Variants in SLIT2 observed in about 807,000 individuals in gnomAD.
The protein encoded by SLIT2 is slit homolog 2 protein.
Under a neutral mutation model 185.7 loss-of-function variants are expected in SLIT2, and 41 were observed. The ratio of observed to expected loss-of-function variants is 0.22; its 90% CI spans 0.17 to 0.29. The LOEUF (loss-of-function observed/expected upper bound fraction) is 0.29, where lower values mean the gene tolerates loss of function less well. Among genes scored for constraint, SLIT2 ranks in the 10% least tolerant of loss-of-function variants. SLIT2 has a pLI of 1.00. For missense variants in SLIT2, 1,571 were observed against 1,909.0 expected, an observed-to-expected ratio of 0.82 and a Z score of 3.30; for synonymous variants, 693 against 680.2, an observed-to-expected ratio of 1.02 and a Z score of -0.29.
At chr4:20,533,462 C>A in intron 17 of SLIT2, 110 bp from the exon 18 acceptor site, 2 of 729,450 alleles carry the variant, frequency 2.7e-6, no homozygotes, top group Admixed American at 2.5e-5. Context: ...CAGTGCTGGG[C>A]AGTGAAAAGT....
intron 4 of SLIT2, among the ~76,000 whole-genome samples, chr4:20,328,323 G>A (rs1719764951): frequency 6.6e-6 from 1 of 152,034 alleles, no homozygotes; most frequent in African/African-American, 2.4e-5. Flanking sequence ...TAAATTCTTA[G>A]AGGATTTATC....
chr4:20,273,931 T>C (rs954676527), intron 4 of SLIT2, among the ~76,000 whole-genome samples: 3 of 152,204 alleles, frequency 2.0e-5, no homozygotes, highest in African/African-American at 4.8e-5. Context: ...CGACTGTGAT[T>C]GTGCAGGAAT....
chr4:20,607,204 C>G (rs1171491047), intron 33 of SLIT2, among the ~76,000 whole-genome samples: 1 of 152,150 alleles, frequency 6.6e-6, no homozygotes, highest in Non-Finnish European at 1.5e-5. Context: ...TCACACTAAC[C>G]AAAGATGACA....
intron 30 of SLIT2, among the ~76,000 whole-genome samples, chr4:20,590,587 C>T (rs1321967796): frequency 6.6e-6 from 1 of 152,122 alleles, no homozygotes; most frequent in Non-Finnish European, 1.5e-5. Flanking sequence ...CATGGGGTGA[C>T]AAAGCATTAT....
intron 4 of SLIT2, among the ~76,000 whole-genome samples, chr4:20,354,947 A>G (rs898766246): frequency 1.4e-5 from 2 of 144,386 alleles, no homozygotes; most frequent in Non-Finnish European, 3.0e-5. Context: ...GAGAGAGAGA[A>G]GCAAGGGCAA....
chr4:20,425,782 G>A (rs1004424427), intron 4 of SLIT2, among the ~76,000 whole-genome samples: 2 of 152,162 alleles, frequency 1.3e-5, no homozygotes, highest in African/African-American at 4.8e-5. Context: ...ACATGAGAAA[G>A]TGGTACTTTT....
rs759335205 is a variant in SLIT2, at chr4:20,569,015, T to C, written c.3088+11T>C. ...CACCTGAGTATACAGGTACAAATAA[T>C]AGGAAATATTTTGCCTTCCATCAGT... On this transcript the variant is annotated intron_variant, in intron 29 of 36. Transcript: ENST00000504154. The C allele has an allele frequency of 3.0e-5, 49 of 1,610,148 alleles. No individual in the cohort carries two copies. Among genetic ancestry groups the C allele is most frequent in the Non-Finnish European group, 3.7e-5 (44 of 1,177,362 alleles).
intron 11 of SLIT2, among the ~76,000 whole-genome samples, chr4:20,517,743 C>T (rs1227174204): frequency 6.6e-6 from 1 of 151,954 alleles, no homozygotes. Context: ...TATAATATAC[C>T]TTACCTCTCT....
rs114929356 is a variant in SLIT2 at position 20,347,184 on chromosome 4, A to G, written c.395+78303A>G. Among the ~76,000 whole-genome samples, 262 of 152,292 alleles carry G rather than the reference A, an allele frequency of 1.7e-3. 1 individual carries two copies. Among genetic ancestry groups the G allele is most frequent in the Non-Finnish European group, 3.3e-3 (226 of 68,020 alleles). On this transcript the variant is annotated intron_variant, in intron 4 of 36. Transcript: ENST00000504154. ...GGATTGGCACTTATGTGTCAGCAAG[A>G]TGTTATTGCCATTTTATAGAGCACT...
intron 4 of SLIT2, among the ~76,000 whole-genome samples, chr4:20,434,797 A>G (rs1210267105): frequency 6.6e-6 from 1 of 152,186 alleles, no homozygotes; most frequent in Admixed American, 6.5e-5. Flanking sequence ...GCCCAGGGGA[A>G]ATGTGATAAG....
intron 33 of SLIT2, among the ~76,000 whole-genome samples, chr4:20,606,975 T>A (rs1453953960): frequency 6.6e-6 from 1 of 152,200 alleles, no homozygotes. Flanking sequence ...GCATAATAAT[T>A]AAGAGCACAT....
At position 20,252,868 on chromosome 4, in the gene SLIT2, CGCCCCCAGTCA is replaced by C. The variant is rs1445350441; in HGVS notation, c.-946_-936del. Reference sequence around the variant, plus strand: ...TTCCGGTCTGCCTGGTTTTTAAGTCCGCCCCCAGTCAGTCCCCACTCAGTCTTCGCAGCAGC... The same window carrying C: ...TTCCGGTCTGCCTGGTTTTTAAGTCCGTCCCCACTCAGTCTTCGCAGCAGC... On this transcript the variant is annotated 5_prime_UTR_variant, in exon 1 of 37. Coordinates refer to ENST00000504154, the MANE Select transcript of SLIT2 (RefSeq NM_004787.4). Among the ~76,000 whole-genome samples the C allele has an allele frequency of 6.6e-6, 1 of 152,164 alleles. No individual in the cohort carries two copies. The highest frequency in any genetic ancestry group is 1.5e-5 in the Non-Finnish European group (1 of 68,024).
At chr4:20,291,906 G>C (rs988731842) in intron 4 of SLIT2, among the ~76,000 whole-genome samples, 3 of 17,668 alleles carry the variant, frequency 1.7e-4, no homozygotes, top group African/African-American at 7.9e-4. Context: ...GCACACCTCT[G>C]TGTGTGTGTG....
chr4:20,558,773 A>G (rs1724464763), intron 26 of SLIT2, among the ~76,000 whole-genome samples: 1 of 152,094 alleles, frequency 6.6e-6, no homozygotes, highest in African/African-American at 2.4e-5. Context: ...AGCACTTTTC[A>G]GCACTGCCCA....
Position 20,253,561 on chromosome 4 carries a change from A to G in SLIT2, c.-255A>G, listed in dbSNP as rs1560255189. 7.2e-6 allele frequency: 4 copies of G among 556,584 alleles called. No individual in the cohort carries two copies. Among genetic ancestry groups the G allele is most frequent in the East Asian group, 3.0e-5 (1 of 33,588 alleles). 34.5% of individuals were successfully genotyped at this position (556,584 alleles called of 1,614,324 possible). A position where few individuals can be genotyped will look rare whatever the true frequency, so the allele number is the denominator to read the frequency against. On this transcript the variant is annotated 5_prime_UTR_variant, in exon 1 of 37. Transcript: ENST00000504154. Reference sequence around the variant, plus strand: ...TTGGGGTCTCCTTGCAGCCCTGGCCAGGCGGATTCATCCTCAGGACCTAAA... The same window carrying G: ...TTGGGGTCTCCTTGCAGCCCTGGCCGGGCGGATTCATCCTCAGGACCTAAA...
intron 9 of SLIT2, among the ~76,000 whole-genome samples, chr4:20,509,457 G>A (rs762262024): frequency 1.8e-4 from 27 of 152,056 alleles, no homozygotes; most frequent in Non-Finnish European, 2.5e-4. Context: ...CATCCCCTGA[G>A]ACAGAGAAGG....
chr4:20,601,966 T>C (rs1432193927), intron 33 of SLIT2, among the ~76,000 whole-genome samples: 1 of 152,222 alleles, frequency 6.6e-6, no homozygotes, highest in East Asian at 1.9e-4. Flanking sequence ...GTGCATCATT[T>C]CAATTGCCTG....
chr4:20,367,052 G>T (rs1723174152), intron 4 of SLIT2, among the ~76,000 whole-genome samples: 1 of 152,050 alleles, frequency 6.6e-6, no homozygotes, highest in East Asian at 1.9e-4. Context: ...TCCTTCTTCA[G>T]CTTCCCAAAG....
intron 16 of SLIT2, among the ~76,000 whole-genome samples, chr4:20,531,036 C>G (rs1418371597): frequency 6.6e-6 from 1 of 151,664 alleles, no homozygotes; most frequent in African/African-American, 2.4e-5. Context: ...CATTGCTGGT[C>G]TGAATGTAAA....
Sources: gnomAD v4.1 joint callset for allele counts (sites outside exome capture counted in the v4.1 genomes callset) on GRCh38, gnomAD v4.1.1 for gene constraint, MANE v1.5 for transcripts, NCBI Gene and HGNC (gene_info 2026-07-23, HGNC 2026-07-21) for gene names.